Variants in GPR19 observed in about 807,000 individuals in gnomAD.
GPR19 encodes the protein probable G protein-coupled receptor 19.
Under a neutral mutation model 28.5 loss-of-function variants are expected in GPR19, and 14 were observed. That is an observed-to-expected ratio of 0.49 (90% CI 0.32 to 0.77). The LOEUF (loss-of-function observed/expected upper bound fraction) is 0.77, where lower values mean the gene tolerates loss of function less well. Among genes scored for constraint, GPR19 ranks in the 30% least tolerant of loss-of-function variants. The probability of loss-of-function intolerance (pLI) is 0.03; values close to 1 mark genes in which losing one functional copy is unlikely to be tolerated. For missense variants in GPR19, 409 were observed against 504.1 expected, an observed-to-expected ratio of 0.81 and a Z score of 1.81; for synonymous variants, 173 against 184.1, an observed-to-expected ratio of 0.94 and a Z score of 0.49.
chr12:12,689,561 A>G (rs1946152518), intron 2 of GPR19, among the ~76,000 whole-genome samples: 1 of 152,110 alleles, frequency 6.6e-6, no homozygotes, highest in Non-Finnish European at 1.5e-5. Flanking sequence ...AATGAATTGA[A>G]CTATATTTGA....
At chr12:12,703,100 T>G in the GPR19 span, among the ~76,000 whole-genome samples, 1 of 152,220 alleles carries the variant, frequency 6.6e-6, no homozygotes, top group Non-Finnish European at 1.5e-5. Context: ...TGGTGCTTGT[T>G]TGTCTCTGTA....
chr12:12,679,550 G>A lies in GPR19; in HGVS notation c.-23+4801C>T, dbSNP rs544776440. 0.018 allele frequency among the ~76,000 whole-genome samples: 105 copies of A among 5,678 alleles called. No individual in the cohort carries two copies. The Admixed American group carries it at 0.2, about 11-fold the overall frequency. 3.7% of individuals were successfully genotyped at this position (5,678 alleles called of 152,430 possible). On this transcript the variant is annotated intron_variant, in intron 3 of 3. Transcript: ENST00000651487. ...GGAAAAAACTAACAAGCACAAGATA[G>A]GGTATGTTAGCCCTAGGAGTTTGAA...
intron 3 of GPR19, among the ~76,000 whole-genome samples, chr12:12,672,078 C>T (rs1945861337): frequency 6.6e-6 from 1 of 152,144 alleles, no homozygotes; most frequent in African/African-American, 2.4e-5. Context: ...ACTTCACCTC[C>T]TTGACAGTTT....
At chr12:12,704,489 G>A in the GPR19 span, among the ~76,000 whole-genome samples, 3 of 152,160 alleles carry the variant, frequency 2.0e-5, no homozygotes, top group African/African-American at 7.2e-5. Context: ...GCAACAGAGC[G>A]AGACTCTGTC....
chr12:12,671,871 TCA>T (rs1202381396), intron 3 of GPR19, among the ~76,000 whole-genome samples: 2 of 152,350 alleles, frequency 1.3e-5, no homozygotes, highest in East Asian at 3.9e-4. Flanking sequence ...TACATTTTTT[TCA>T]GTTTTATATT....
At chr12:12,696,187 G>GTT (rs1946257126), upstream of GPR19, 1 of 152,158 alleles carries the variant, frequency 6.6e-6, no homozygotes, top group Non-Finnish European at 1.5e-5. Flanking sequence ...TAGGCGGAAA[G>GTT]TTTTGAAACT....
chr12:12,687,463 T>C (rs1030468288), intron 2 of GPR19, among the ~76,000 whole-genome samples: 2 of 152,208 alleles, frequency 1.3e-5, no homozygotes, highest in African/African-American at 4.8e-5. Flanking sequence ...CTTCTACAAG[T>C]ATGCATTCTA....
chr12:12,698,230 T>C (rs1946292058), upstream of GPR19, among the ~76,000 whole-genome samples: 4 of 152,334 alleles, frequency 2.6e-5, no homozygotes, highest in South Asian at 8.3e-4. Flanking sequence ...TTTTCTTCAC[T>C]GAAAAAAAAT....
intron 3 of GPR19, among the ~76,000 whole-genome samples, chr12:12,669,230 G>A (rs1474724334): frequency 6.6e-6 from 1 of 152,168 alleles, no homozygotes; most frequent in Non-Finnish European, 1.5e-5. Flanking sequence ...CATCAAAAGT[G>A]CGCCAGACAT....
At chr12:12,683,440 G>T (rs1302967465) in intron 3 of GPR19, among the ~76,000 whole-genome samples, 2 of 152,220 alleles carry the variant, frequency 1.3e-5, no homozygotes, top group East Asian at 3.9e-4. Context: ...AAGAGCACAG[G>T]CTTTGGGGTC....
chr12:12,699,127 G>C (rs936437137), upstream of GPR19, among the ~76,000 whole-genome samples: 4 of 151,974 alleles, frequency 2.6e-5, no homozygotes. Context: ...TGGATCATGA[G>C]GTCAGGAGTT....
chr12:12,679,212 T>C (rs1448664598), intron 3 of GPR19, among the ~76,000 whole-genome samples: 2 of 152,134 alleles, frequency 1.3e-5, no homozygotes, highest in Non-Finnish European at 2.9e-5. Flanking sequence ...CATTTGGAAA[T>C]GTCTAGAGAC....
the GPR19 span, among the ~76,000 whole-genome samples, chr12:12,711,152 G>A: frequency 1.5e-4 from 23 of 151,984 alleles, no homozygotes; most frequent in Non-Finnish European, 1.0e-4. Context: ...ACATTAGCTG[G>A]GTGTGGTGGC....
intron 3 of GPR19, among the ~76,000 whole-genome samples, chr12:12,682,114 G>A (rs1475998766): frequency 1.3e-5 from 2 of 152,172 alleles, no homozygotes; most frequent in African/African-American, 2.4e-5. Context: ...CTGTTTCAAC[G>A]CTGGGAGATG....
chr12:12,681,859 A>G (rs1254843825), intron 3 of GPR19, among the ~76,000 whole-genome samples: 2 of 152,224 alleles, frequency 1.3e-5, no homozygotes, highest in African/African-American at 4.8e-5. Flanking sequence ...CAAGCTTTCA[A>G]AATGCCCCAG....
intron 3 of GPR19, among the ~76,000 whole-genome samples, chr12:12,665,153 G>A (rs1274275514): frequency 6.6e-6 from 1 of 152,166 alleles, no homozygotes; most frequent in Non-Finnish European, 1.5e-5. Context: ...TTTCTGGGAT[G>A]CCTGTGGCCT....
chr12:12,714,749 C>A, the GPR19 span, among the ~76,000 whole-genome samples: 15 of 152,194 alleles, frequency 9.9e-5, 1 homozygote, highest in African/African-American at 3.4e-4. Flanking sequence ...CTGATCTCTA[C>A]GCTCCCTGTT....
chr12:12,716,717 C>G, the GPR19 span: 1 of 983,682 alleles, frequency 1.0e-6, no homozygotes, highest in Non-Finnish European at 1.2e-6. Context: ...AAAAGAAAGA[C>G]GTTCGCTTTG....
chr12:12,702,990 TA>T, the GPR19 span, among the ~76,000 whole-genome samples: 1 of 152,238 alleles, frequency 6.6e-6, no homozygotes, highest in Admixed American at 6.5e-5. Flanking sequence ...ACAGTTTCCT[TA>T]AATTTTCTAT....
Sources: allele counts gnomAD v4.1 joint callset (sites outside exome capture counted in the v4.1 genomes callset), GRCh38; gene constraint gnomAD v4.1.1; transcripts MANE v1.5; gene names NCBI Gene and HGNC (gene_info 2026-07-23, HGNC 2026-07-21).